ZNF475: variants seen among roughly 807,000 people sequenced by gnomAD.
The protein encoded by ZNF475 is zinc finger protein 475.
the ZNF475 span, among the ~76,000 whole-genome samples, chr5:122,170,481 C>T: frequency 6.6e-6 from 1 of 152,156 alleles, no homozygotes; most frequent in African/African-American, 2.4e-5. Context: ...CAGTTTACTA[C>T]AAATGATACA....
the ZNF475 span, among the ~76,000 whole-genome samples, chr5:122,173,946 C>T: frequency 6.6e-6 from 1 of 152,202 alleles, no homozygotes; most frequent in Admixed American, 6.5e-5. Context: ...TAATTCTTTG[C>T]TCTTCAGCAA....
chr5:122,178,038 T>C, the ZNF475 span, among the ~76,000 whole-genome samples: 1 of 152,284 alleles, frequency 6.6e-6, no homozygotes, highest in Admixed American at 6.5e-5. Context: ...AATGGTGGTT[T>C]CCAGTTTCAT....
chr5:122,181,662 G>A, the ZNF475 span, among the ~76,000 whole-genome samples: 3 of 152,166 alleles, frequency 2.0e-5, no homozygotes, highest in Non-Finnish European at 4.4e-5. Flanking sequence ...TAAAAACTAA[G>A]TAATATGTTT....
chr5:122,179,001 C>A, the ZNF475 span, among the ~76,000 whole-genome samples: 2 of 152,034 alleles, frequency 1.3e-5, no homozygotes, highest in Admixed American at 6.6e-5. Flanking sequence ...GAATCCTTTC[C>A]CCATTGCTTA....
chr5:122,167,871 A>G, the ZNF475 span, among the ~76,000 whole-genome samples: 1,645 of 152,328 alleles, frequency 0.011, 32 homozygotes, highest in African/African-American at 0.038. Flanking sequence ...TATAAATACA[A>G]TCATGCTGTG....
the ZNF475 span, among the ~76,000 whole-genome samples, chr5:122,173,042 A>C: frequency 6.6e-6 from 1 of 152,198 alleles, no homozygotes; most frequent in Non-Finnish European, 1.5e-5. Context: ...CAGAAAAAAA[A>C]AAAGAAATGA....
At chr5:122,170,579 A>C in the ZNF475 span, among the ~76,000 whole-genome samples, 2 of 152,032 alleles carry the variant, frequency 1.3e-5, no homozygotes, top group African/African-American at 4.8e-5. Flanking sequence ...GGGTCACCAC[A>C]CTCCCAGCAC....
At chr5:122,176,739 C>T in the ZNF475 span, among the ~76,000 whole-genome samples, 1 of 152,132 alleles carries the variant, frequency 6.6e-6, no homozygotes, top group Non-Finnish European at 1.5e-5. Context: ...AAGTTTGGAG[C>T]TTGGAGGCTT....
the ZNF475 span, among the ~76,000 whole-genome samples, chr5:122,175,157 G>A: frequency 4.4e-3 from 664 of 152,106 alleles, 7 homozygotes; most frequent in African/African-American, 0.015. Context: ...AATCATCCAG[G>A]GAGTCACTTT....
At chr5:122,165,652 C>G in the ZNF475 span, among the ~76,000 whole-genome samples, 1 of 151,740 alleles carries the variant, frequency 6.6e-6, no homozygotes, top group Non-Finnish European at 1.5e-5. Flanking sequence ...TTCTCTTTGA[C>G]TCTTAGGTTA....
At chr5:122,160,193 A>C in the ZNF475 span, 1 of 1,288,456 alleles carries the variant, frequency 7.8e-7, no homozygotes, top group Admixed American at 2.3e-5. Flanking sequence ...CTTGGTGCCA[A>C]CCATGCCTGC....
At chr5:122,176,645 C>G in the ZNF475 span, among the ~76,000 whole-genome samples, 7 of 152,128 alleles carry the variant, frequency 4.6e-5, no homozygotes, top group African/African-American at 1.7e-4. Flanking sequence ...TATACACAGA[C>G]GGTCCCTGCA....
At chr5:122,176,895 G>C in the ZNF475 span, among the ~76,000 whole-genome samples, 1 of 152,150 alleles carries the variant, frequency 6.6e-6, no homozygotes, top group Non-Finnish European at 1.5e-5. Flanking sequence ...TGGAAGCAAT[G>C]ATTCTTGTCC....
At chr5:122,173,997 C>G in the ZNF475 span, among the ~76,000 whole-genome samples, 610 of 152,306 alleles carry the variant, frequency 4.0e-3, no homozygotes, top group African/African-American at 0.014. Context: ...TCTTGGATAA[C>G]GCTTTCCTGG....
At chr5:122,180,275 G>A in the ZNF475 span, among the ~76,000 whole-genome samples, 7 of 152,298 alleles carry the variant, frequency 4.6e-5, no homozygotes, top group South Asian at 2.1e-4. Context: ...GCATCAGCTC[G>A]CTCTATAGGA....
the ZNF475 span, among the ~76,000 whole-genome samples, chr5:122,173,020 G>C: frequency 6.6e-6 from 1 of 151,924 alleles, no homozygotes; most frequent in South Asian, 2.1e-4. Context: ...GCAACAGAGC[G>C]AGACTCCGTC....
the ZNF475 span, among the ~76,000 whole-genome samples, chr5:122,161,621 G>A: frequency 1.3e-5 from 2 of 152,162 alleles, no homozygotes; most frequent in Non-Finnish European, 2.9e-5. Context: ...AAAACCCAAT[G>A]TCCAAGTTCA....
the ZNF475 span, chr5:122,162,405 G>A: frequency 2.6e-5 from 4 of 152,190 alleles, no homozygotes; most frequent in Non-Finnish European, 4.4e-5. Flanking sequence ...AACACCAGAA[G>A]TAAATGTGAA....
the ZNF475 span, among the ~76,000 whole-genome samples, chr5:122,161,784 G>A: frequency 2.6e-5 from 4 of 152,020 alleles, no homozygotes; most frequent in African/African-American, 9.7e-5. Flanking sequence ...ATAAAAGTCA[G>A]GCCTGTATCC....
Sources: gnomAD v4.1 joint callset for allele counts (sites outside exome capture counted in the v4.1 genomes callset) on GRCh38, gnomAD v4.1.1 for gene constraint, MANE v1.5 for transcripts, NCBI Gene and HGNC (gene_info 2026-07-23, HGNC 2026-07-21) for gene names.